CRISP1: variants seen among roughly 807,000 people sequenced by gnomAD.
The protein encoded by CRISP1 is cysteine rich secretory protein 1.
In CRISP1, 44 loss-of-function variants were observed where a neutral mutation model predicts 33.1. The observed-to-expected ratio is 1.33, with a 90% CI of 1.05 to 1.71. The LOEUF (loss-of-function observed/expected upper bound fraction) is 1.71. CRISP1 is among the 40% of genes most tolerant of loss of function. The pLI, the probability that CRISP1 is intolerant of heterozygous loss-of-function variation, is 0.00. For synonymous variants in CRISP1, 103 were observed against 98.7 expected (o/e 1.04, Z -0.26); for missense variants, 390 against 301.2 (o/e 1.29, Z -2.18).
chr6:49,843,893 T>C (rs1244532868), intron 5 of CRISP1, among the ~76,000 whole-genome samples: 1 of 152,174 alleles, frequency 6.6e-6, no homozygotes, highest in Non-Finnish European at 1.5e-5. Flanking sequence ...TGTTACAAAG[T>C]AGCAAACAAA....
intron 1 of CRISP1, among the ~76,000 whole-genome samples, chr6:49,865,570 A>G (rs1771780196): frequency 6.6e-6 from 1 of 152,186 alleles, no homozygotes; most frequent in African/African-American, 2.4e-5. Flanking sequence ...TGAAAACAAA[A>G]GGAAGGTGGT....
rs755934253 is a variant in CRISP1, at chr6:49,838,525, C to T, written c.534G>A (p.Glu178=). ...RYLYVCHYCH[E]GNDPETKNEP... ...CATTCTTTGTTTCAGGATCATTTCC[C>T]CTTGAATAAAAAAAAGTGATTTCAT... The change falls in exon 7 of 8, where the codon GAG becomes GAA. Residue 178 remains glutamate (E), a splice_region_variant and synonymous_variant. Coordinates refer to ENST00000335847, the MANE Select transcript of CRISP1 (RefSeq NM_001131.3). 10 of 1,608,430 alleles carry T rather than the reference C, an allele frequency of 6.2e-6. No homozygotes were observed. In the East Asian group the frequency reaches 2.0e-4, roughly 32 times the overall value.
chr6:49,869,387 G>T (rs1207206968), upstream of CRISP1, among the ~76,000 whole-genome samples: 1 of 152,074 alleles, frequency 6.6e-6, no homozygotes. Flanking sequence ...CACAGGAGAG[G>T]CTGCAATGCC....
intron 1 of CRISP1, among the ~76,000 whole-genome samples, chr6:49,866,099 A>G (rs1462375451): frequency 6.6e-6 from 1 of 152,138 alleles, no homozygotes; most frequent in Non-Finnish European, 1.5e-5. Context: ...ATATTTTGTG[A>G]AATAAAAGAT....
intron 5 of CRISP1, among the ~76,000 whole-genome samples, chr6:49,844,838 T>C (rs1485676578): frequency 6.6e-6 from 1 of 152,206 alleles, no homozygotes; most frequent in Non-Finnish European, 1.5e-5. Flanking sequence ...TATGGAAGCA[T>C]ATAACATTTT....
intron 7 of CRISP1, 71 bp from the exon 8 acceptor site, chr6:49,835,514 T>C: frequency 6.8e-7 from 1 of 1,475,396 alleles, no homozygotes; most frequent in Non-Finnish European, 9.2e-7. Context: ...AGAGACCATC[T>C]TATTAAAGAC....
At chr6:49,872,005 CA>C (rs1161509414) in intron 1 of CRISP1, among the ~76,000 whole-genome samples, 1 of 152,084 alleles carries the variant, frequency 6.6e-6, no homozygotes, top group Non-Finnish European at 1.5e-5. Context: ...AACTAGTTTA[CA>C]GTCCCACCAA....
chr6:49,857,265 G>C, intron 2 of CRISP1, 70 bp downstream of exon 2: 1 of 1,467,132 alleles, frequency 6.8e-7, no homozygotes, highest in Non-Finnish European at 9.5e-7. Flanking sequence ...CTAACATGGT[G>C]AATTGTATTA....
rs9918330 is a variant in CRISP1 at position 49,856,460 on chromosome 6, A to G, written c.66+875T>C. ...TAATTCAGGACGCTAATTCCAGCTTACTGGAGGATTACTGGGCATTAAACA... is the reference window on the plus strand; with the variant it reads ...TAATTCAGGACGCTAATTCCAGCTTGCTGGAGGATTACTGGGCATTAAACA... On this transcript the variant is annotated intron_variant, in intron 2 of 7. Transcript: ENST00000335847. Among the ~76,000 whole-genome samples, 417 of 152,264 alleles carry G rather than the reference A, an allele frequency of 2.7e-3. 3 individuals are homozygous for G. The highest frequency in any genetic ancestry group is 9.6e-3 in the African/African-American group (399 of 41,570).
intron 1 of CRISP1, among the ~76,000 whole-genome samples, chr6:49,858,322 C>T (rs1205257027): frequency 6.6e-6 from 1 of 152,102 alleles, no homozygotes; most frequent in Admixed American, 6.5e-5. Context: ...ACCTTCTTTT[C>T]ACCATCTGCC....
chr6:49,847,244 C>T (rs1041770020), intron 4 of CRISP1, among the ~76,000 whole-genome samples: 2 of 152,124 alleles, frequency 1.3e-5, no homozygotes, highest in Non-Finnish European at 2.9e-5. Context: ...AAAAGATTCT[C>T]ATGTTAAAAT....
At chr6:49,850,343 G>A (rs1771312085) in intron 3 of CRISP1, among the ~76,000 whole-genome samples, 1 of 152,016 alleles carries the variant, frequency 6.6e-6, no homozygotes, top group South Asian at 2.1e-4. Context: ...ATGATGTATA[G>A]GACATTACCT....
intron 1 of CRISP1, among the ~76,000 whole-genome samples, chr6:49,860,913 G>A (rs1582280237): frequency 6.6e-6 from 1 of 151,884 alleles, no homozygotes; most frequent in Non-Finnish European, 1.5e-5. Context: ...AAAAACAAAA[G>A]ATATTACAAT....
chr6:49,845,730 CA>C (rs1251169599), intron 5 of CRISP1, among the ~76,000 whole-genome samples: 2 of 136,636 alleles, frequency 1.5e-5, no homozygotes, highest in Non-Finnish European at 3.4e-5. Flanking sequence ...GGAAACAACT[CA>C]AATGCCCATC....
rs1354739570 is a variant in CRISP1, at chr6:49,838,369, A to G, written c.622+68T>C. The G allele has an allele frequency of 2.6e-6, 3 of 1,137,822 alleles. No individual in the cohort carries two copies. The East Asian group carries it at 7.2e-5, about 27-fold the overall frequency. 70.5% of individuals were successfully genotyped at this position (1,137,822 alleles called of 1,614,324 possible). A position where few individuals can be genotyped will look rare whatever the true frequency, so the allele number is the denominator to read the frequency against. The stretch of plus-strand genomic sequence containing the variant: ...AAAGTGCGATGTTTTTTAATGCTTA[A>G]TTTAAAGGATGTATGGTTCCCAGAT... On this transcript the variant is annotated intron_variant, in intron 7 of 7. Coordinates refer to ENST00000335847, the MANE Select transcript of CRISP1 (RefSeq NM_001131.3).
In CRISP1 at chr6:49,846,550, A is replaced by C; in HGVS notation, c.405T>G (p.Asp135Glu). The C allele has an allele frequency of 6.2e-7, 1 of 1,613,552 alleles. No individual in the cohort carries two copies. ...SFKHGEWTTTDDDITTDHYTQ... is the reference protein window; with the variant it reads ...SFKHGEWTTTEDDITTDHYTQ... ...TGTAGTGGTCAGTAGTTATGTCATC[A>C]TCCGTTGTTGTCCATTCTCCATGTT... is the stretch of plus-strand genomic sequence containing the variant. The change falls in exon 5 of 8, where the codon GAT becomes GAG. Residue 135 changes from aspartate (D) to glutamate (E), a missense_variant. Coordinates refer to ENST00000335847, the MANE Select transcript of CRISP1 (RefSeq NM_001131.3).
At position 49,853,303 on chromosome 6, in the gene CRISP1, C is replaced by A. The variant is rs113050640; in HGVS notation, c.67-1174G>T. On this transcript the variant is annotated intron_variant, in intron 2 of 7. Coordinates refer to ENST00000335847, the MANE Select transcript of CRISP1 (RefSeq NM_001131.3). The stretch of plus-strand genomic sequence containing the variant: ...AACTCATGACATTTTCCTCTCACAC[C>A]TCATTCCTGAACATTTATTTAACAT... Among the ~76,000 whole-genome samples the A allele has an allele frequency of 6.6e-3, 1,001 of 152,214 alleles. 6 individuals carry two copies. The highest frequency in any genetic ancestry group is 0.022 in the African/African-American group (914 of 41,542).
chr6:49,847,059 G>A (rs1157335992), intron 4 of CRISP1, among the ~76,000 whole-genome samples: 2 of 152,108 alleles, frequency 1.3e-5, no homozygotes, highest in Non-Finnish European at 2.9e-5. Context: ...TGTTTATTTA[G>A]CCATTCATGT....
chr6:49,873,747 A>C (rs1325174741), intron 1 of CRISP1, among the ~76,000 whole-genome samples: 3 of 151,194 alleles, frequency 2.0e-5, no homozygotes, highest in Non-Finnish European at 4.4e-5. Context: ...TATTAGCAAT[A>C]GTAGATAAAA....
Sources: gnomAD v4.1 joint callset for allele counts (sites outside exome capture counted in the v4.1 genomes callset) on GRCh38, gnomAD v4.1.1 for gene constraint, MANE v1.5 for transcripts, NCBI Gene and HGNC (gene_info 2026-07-23, HGNC 2026-07-21) for gene names.